The following HHLA1 variants were observed in gnomAD, a reference collection of about 807,000 sequenced individuals.
HHLA1 encodes HERV-H LTR-associating protein 1.
HHLA1 carries 72 observed loss-of-function variants against 69.9 expected under a neutral mutation model. The ratio of observed to expected loss-of-function variants is 1.03; its 90% CI spans 0.85 to 1.25. The LOEUF (loss-of-function observed/expected upper bound fraction) is 1.25, where lower values mean the gene tolerates loss of function less well. Ranked by LOEUF, HHLA1 falls within the 50% of genes most tolerant of loss-of-function variation. The pLI is 0.00. For synonymous variants in HHLA1, 252 were observed against 233.2 expected (o/e 1.08, Z -0.73); for missense variants, 685 against 642.2 (o/e 1.07, Z -0.72).
intron 3 of HHLA1, chr8:132,101,121 G>A (rs745316815): frequency 7.2e-4 from 1,065 of 1,487,162 alleles, no homozygotes; most frequent in Non-Finnish European, 8.8e-4. Context: ...GCAGGATGGA[G>A]AAGGTGCTGT....
At chr8:132,078,208 AC>A (rs1356336510) in intron 11 of HHLA1, among the ~76,000 whole-genome samples, 82 of 141,926 alleles carry the variant, frequency 5.8e-4, no homozygotes, top group African/African-American at 2.2e-3. Flanking sequence ...ACACACACAC[AC>A]ACAACCTCTA....
At chr8:132,070,393 T>C (rs1431427425) in intron 15 of HHLA1, 2 of 701,922 alleles carry the variant, frequency 2.8e-6, no homozygotes, top group Non-Finnish European at 5.2e-6. Context: ...GGAATTTAGA[T>C]AGACATATCT....
intron 2 of HHLA1, among the ~76,000 whole-genome samples, chr8:132,104,929 C>T (rs2130901564): frequency 6.6e-6 from 1 of 152,210 alleles, no homozygotes; most frequent in South Asian, 2.1e-4. Context: ...GGAAAGCTGT[C>T]TCATGGTCTG....
intron 15 of HHLA1, among the ~76,000 whole-genome samples, chr8:132,068,084 A>G (rs1361358104): frequency 6.6e-6 from 1 of 152,254 alleles, no homozygotes; most frequent in East Asian, 1.9e-4. Context: ...TCTGTGATAG[A>G]GGATATCAAG....
At chr8:132,064,137 T>A in intron 16 of HHLA1, 99 bp from the exon 17 acceptor site, 1 of 649,664 alleles carries the variant, frequency 1.5e-6, no homozygotes, top group South Asian at 1.9e-5. Context: ...GGGTCTAGCC[T>A]CTTCCGGAGA....
chr8:132,084,479 C>T (rs992718880), intron 10 of HHLA1, among the ~76,000 whole-genome samples: 3 of 152,218 alleles, frequency 2.0e-5, no homozygotes, highest in East Asian at 3.9e-4. Flanking sequence ...ACGTCAGGCA[C>T]CTCAGACAGT....
intron 5 of HHLA1, among the ~76,000 whole-genome samples, chr8:132,098,282 T>A (rs1225818238): frequency 1.3e-5 from 2 of 152,152 alleles, no homozygotes; most frequent in African/African-American, 4.8e-5. Flanking sequence ...TACAATAATA[T>A]TGTCTTAAAA....
rs1823385226 is a variant in HHLA1, at chr8:132,063,435, C to T, written c.*560G>A. ...ATGATAAAGTTTTCATTATCGCCCACTTAAGGGGGCTTGGAAGATTATATA... is the reference window on the plus strand; with the variant it reads ...ATGATAAAGTTTTCATTATCGCCCATTTAAGGGGGCTTGGAAGATTATATA... On this transcript the variant is annotated 3_prime_UTR_variant, in exon 17 of 17. Coordinates refer to ENST00000414222, the MANE Select transcript of HHLA1 (RefSeq NM_001145095.3). 6.6e-6 allele frequency: 1 copy of T among 152,206 alleles called. No homozygotes were observed. Among genetic ancestry groups the T allele is most frequent in the African/African-American group, 2.4e-5 (1 of 41,444 alleles). 9.4% of individuals were successfully genotyped at this position (152,206 alleles called of 1,614,324 possible).
chr8:132,107,001 G>A (rs563689921), intron 1 of HHLA1, among the ~76,000 whole-genome samples: 5 of 152,126 alleles, frequency 3.3e-5, no homozygotes, highest in Middle Eastern at 3.2e-3. Flanking sequence ...GATTAAATGA[G>A]AATGAAATAT....
intron 7 of HHLA1, among the ~76,000 whole-genome samples, chr8:132,090,622 T>A (rs560595669): frequency 3.9e-5 from 6 of 152,264 alleles, no homozygotes; most frequent in African/African-American, 1.4e-4. Flanking sequence ...CATGAGGTGG[T>A]CTTACTATAT....
At chr8:132,086,328 A>G (rs1222591045) in intron 10 of HHLA1, among the ~76,000 whole-genome samples, 3 of 152,140 alleles carry the variant, frequency 2.0e-5, no homozygotes. Flanking sequence ...CACCTCCCCC[A>G]GAATGCATGT....
intron 7 of HHLA1, among the ~76,000 whole-genome samples, chr8:132,090,490 T>G (rs1342787472): frequency 6.6e-6 from 1 of 152,178 alleles, no homozygotes; most frequent in Non-Finnish European, 1.5e-5. Context: ...CAGGAGTTTG[T>G]GCAGGAGCAA....
rs570401591 is a variant in HHLA1 at position 132,071,828 on chromosome 8, G to A, written c.1316-335C>T. Among the ~76,000 whole-genome samples the A allele has an allele frequency of 2.4e-4, 36 of 152,252 alleles. No homozygotes were observed. The South Asian group carries it at 6.6e-3, about 28-fold the overall frequency. Reference sequence around the variant, plus strand: ...GGGACAGGGCATACAATGACTCTGCGTGATGTAAGGGGGTGACTTGCTGAG... The same window carrying A: ...GGGACAGGGCATACAATGACTCTGCATGATGTAAGGGGGTGACTTGCTGAG... On this transcript the variant is annotated intron_variant, in intron 14 of 16. Transcript: ENST00000414222.
intron 7 of HHLA1, among the ~76,000 whole-genome samples, chr8:132,090,478 A>G (rs2130891615): frequency 6.6e-6 from 1 of 152,290 alleles, no homozygotes; most frequent in African/African-American, 2.4e-5. Context: ...CATTAATGGG[A>G]TCAGGAGTTT....
intron 15 of HHLA1, among the ~76,000 whole-genome samples, chr8:132,066,188 C>T (rs1823436239): frequency 6.6e-6 from 1 of 152,184 alleles, no homozygotes; most frequent in African/African-American, 2.4e-5. Context: ...TTATTTTTAT[C>T]CCTAGCCCCA....
intron 3 of HHLA1, among the ~76,000 whole-genome samples, chr8:132,102,644 C>G (rs1162114975): frequency 6.6e-6 from 1 of 152,226 alleles, no homozygotes; most frequent in Admixed American, 6.5e-5. Context: ...GCCAAGGCAA[C>G]AGAGTCCTCC....
chr8:132,073,644 C>T (rs1338347330), intron 14 of HHLA1, among the ~76,000 whole-genome samples: 1 of 152,322 alleles, frequency 6.6e-6, no homozygotes, highest in Non-Finnish European at 1.5e-5. Context: ...TCATAACCAT[C>T]ACACTTCACT....
intron 11 of HHLA1, among the ~76,000 whole-genome samples, chr8:132,079,434 T>A (rs529630390): frequency 6.6e-6 from 1 of 152,366 alleles, no homozygotes; most frequent in South Asian, 2.1e-4. Flanking sequence ...ACCAGGGAAC[T>A]CTCTATATTA....
At chr8:132,064,690 G>A (rs1332565433) in intron 16 of HHLA1, among the ~76,000 whole-genome samples, 2 of 152,162 alleles carry the variant, frequency 1.3e-5, no homozygotes, top group East Asian at 1.9e-4. Flanking sequence ...GAGGTAAATG[G>A]AAACACAGAG....
Sources: gnomAD v4.1 joint callset for allele counts (sites outside exome capture counted in the v4.1 genomes callset) on GRCh38, gnomAD v4.1.1 for gene constraint, MANE v1.5 for transcripts, NCBI Gene and HGNC (gene_info 2026-07-23, HGNC 2026-07-21) for gene names.